Variants in PTPRN2 observed in about 807,000 individuals in gnomAD.
The protein encoded by PTPRN2 is protein tyrosine phosphatase receptor type N2.
In PTPRN2, 74 loss-of-function variants were observed where a neutral mutation model predicts 118.8. The observed-to-expected ratio is 0.62, with a 90% CI of 0.52 to 0.76. The LOEUF is 0.76. PTPRN2 is among the 30% of genes least tolerant of loss of function. PTPRN2 has a pLI of 0.00. For synonymous variants in PTPRN2, 641 were observed against 608.0 expected (o/e 1.05, Z -0.80); for missense variants, 1,481 against 1,394.4 (o/e 1.06, Z -0.99).
intron 11 of PTPRN2, among the ~76,000 whole-genome samples, chr7:158,068,738 C>T (rs1300712645): frequency 6.6e-6 from 1 of 152,206 alleles, no homozygotes; most frequent in Non-Finnish European, 1.5e-5. Context: ...CGGTCAAGGG[C>T]TGTGAAGCTG....
At chr7:157,672,912 G>A (rs1397057841) in intron 13 of PTPRN2, among the ~76,000 whole-genome samples, 6 of 152,142 alleles carry the variant, frequency 3.9e-5, no homozygotes, top group African/African-American at 7.2e-5. Flanking sequence ...ACCTGGAGGC[G>A]CACACTAGCA....
intron 3 of PTPRN2, among the ~76,000 whole-genome samples, chr7:158,241,008 G>A (rs1007379684): frequency 4.6e-5 from 7 of 152,164 alleles, no homozygotes; most frequent in African/African-American, 7.2e-5. Flanking sequence ...AGGCAGCCCC[G>A]TGGGCAGGTG....
At chr7:158,355,518 TG>T (rs2054393512) in intron 2 of PTPRN2, among the ~76,000 whole-genome samples, 1 of 152,206 alleles carries the variant, frequency 6.6e-6, no homozygotes, top group Non-Finnish European at 1.5e-5. Flanking sequence ...GAAATGCAAC[TG>T]CAGTGCAGCC....
chr7:158,425,370 G>A (rs112575637), intron 2 of PTPRN2, among the ~76,000 whole-genome samples: 3 of 98,462 alleles, frequency 3.0e-5, no homozygotes, highest in African/African-American at 9.6e-5. Context: ...CGCGGTGTCC[G>A]AGTCCAGCCT....
chr7:158,347,593 T>C (rs910508197), intron 2 of PTPRN2, among the ~76,000 whole-genome samples: 4 of 152,242 alleles, frequency 2.6e-5, no homozygotes, highest in African/African-American at 7.2e-5. Context: ...CAGGGTTTTA[T>C]GTGGTTCCAT....
intron 11 of PTPRN2, among the ~76,000 whole-genome samples, chr7:157,947,213 T>C (rs1232375814): frequency 9.5e-6 from 1 of 105,466 alleles, no homozygotes; most frequent in African/African-American, 4.5e-5. Context: ...GGTCGAGTAG[T>C]GACATGGAAA....
At chr7:157,797,477 G>T (rs532954915) in intron 12 of PTPRN2, among the ~76,000 whole-genome samples, 1 of 138,208 alleles carries the variant, frequency 7.2e-6, no homozygotes, top group Non-Finnish European at 1.5e-5. Flanking sequence ...GGCTGAGGTC[G>T]TGGGAGGCAT....
rs139544169 is a variant in PTPRN2 at position 158,397,386 on chromosome 7, G to A, written c.164-80454C>T. ...CAGCCCTCCCAGCGGCAGGACCCCC[G>A]AGCAGTTGTGAACCAGCCTCAGGGT... On this transcript the variant is annotated intron_variant, in intron 2 of 22. Transcript: ENST00000389418. Among the ~76,000 whole-genome samples, 71 of 152,280 alleles carry A rather than the reference G, an allele frequency of 4.7e-4. 1 individual carries two copies. Among genetic ancestry groups the A allele is most frequent in the South Asian group, 8.3e-4 (4 of 4,816 alleles).
chr7:158,428,673 C>T (rs975288457), intron 2 of PTPRN2, among the ~76,000 whole-genome samples: 2 of 152,144 alleles, frequency 1.3e-5, no homozygotes, highest in East Asian at 1.9e-4. Flanking sequence ...TTCACACAGT[C>T]GGGTCGTTTT....
At chr7:158,248,773 C>T (rs535248893) in intron 3 of PTPRN2, among the ~76,000 whole-genome samples, 1 of 139,978 alleles carries the variant, frequency 7.1e-6, no homozygotes, top group East Asian at 2.2e-4. Context: ...ATGTGCACAT[C>T]GCACACATCA....
intron 4 of PTPRN2, among the ~76,000 whole-genome samples, chr7:158,200,923 A>AT (rs575867124): frequency 1.5e-3 from 232 of 152,334 alleles, no homozygotes; most frequent in African/African-American, 5.0e-3. Flanking sequence ...TGATTTCATT[A>AT]TTTTTTTAAA....
chr7:157,578,076 C>G lies in PTPRN2; in HGVS notation c.2561G>C (p.Arg854Pro). ...ATCCGGCCAGTAGTGGTAGCACTGC[C>G]GGACGCCGTTCTCCGCGAGGGGTGT... The part of the protein sequence containing the change: ...MLTPLAENGV[R>P]QCYHYWPDEG... The change falls in exon 18 of 23, where the codon CGG becomes CCG. Residue 854 changes from arginine to proline, a missense_variant. Physicochemically the swap from Arg to Pro is moderately radical, Grantham distance 103. Transcript: ENST00000389418. The G allele has an allele frequency of 6.2e-7, 1 of 1,613,606 alleles. No individual in the cohort carries two copies. The highest frequency in any genetic ancestry group is 8.5e-7 in the Non-Finnish European group (1 of 1,179,748).
intron 11 of PTPRN2, among the ~76,000 whole-genome samples, chr7:157,955,992 C>T (rs1217694003): frequency 3.3e-5 from 5 of 152,204 alleles, no homozygotes; most frequent in African/African-American, 1.2e-4. Context: ...CTGACAGGTG[C>T]GTTTTCTCAT....
At chr7:158,342,295 C>A (rs530067511) in intron 2 of PTPRN2, among the ~76,000 whole-genome samples, 1 of 129,062 alleles carries the variant, frequency 7.7e-6, no homozygotes, top group Non-Finnish European at 1.6e-5. Context: ...AGAGCTGACA[C>A]CCGCAGACGT....
At chr7:157,976,289 G>A (rs1008526917) in intron 11 of PTPRN2, among the ~76,000 whole-genome samples, 2 of 152,336 alleles carry the variant, frequency 1.3e-5, no homozygotes, top group East Asian at 1.9e-4. Context: ...GCTCAGCCTG[G>A]CAGCCGAGTT....
At chr7:157,793,241 G>C (rs987339307) in intron 12 of PTPRN2, among the ~76,000 whole-genome samples, 1 of 152,172 alleles carries the variant, frequency 6.6e-6, no homozygotes, top group Non-Finnish European at 1.5e-5. Flanking sequence ...CTGCTGAAAA[G>C]AATGTGGCAG....
chr7:158,271,185 T>C lies in PTPRN2; in HGVS notation c.277+45634A>G, dbSNP rs528404918. On this transcript the variant is annotated intron_variant, in intron 3 of 22. Transcript: ENST00000389418. ...GGAAACAAAATTCGACTCTAGTGGGTGGCCAGGAGAGGTCACGTGCTGCTT... is the reference window on the plus strand; with the variant it reads ...GGAAACAAAATTCGACTCTAGTGGGCGGCCAGGAGAGGTCACGTGCTGCTT... 2.0e-5 allele frequency among the ~76,000 whole-genome samples: 3 copies of C among 150,996 alleles called. No homozygotes were observed. In the South Asian group the frequency reaches 6.3e-4, roughly 32 times the overall value.
intron 22 of PTPRN2, among the ~76,000 whole-genome samples, 177 bp downstream of exon 22, chr7:157,548,769 T>C (rs1295851489): frequency 6.6e-6 from 1 of 152,072 alleles, no homozygotes; most frequent in Admixed American, 6.5e-5. Flanking sequence ...CAGTGGACCT[T>C]TGGGGGCCCA....
Position 157,656,454 on chromosome 7 carries a change from C to A in PTPRN2, c.2099G>T (p.Gly700Val), listed in dbSNP as rs1380241767. 6.4e-7 allele frequency: 1 copy of A among 1,554,168 alleles called. No individual in the cohort carries two copies. The highest frequency in any genetic ancestry group is 8.7e-7 in the Non-Finnish European group (1 of 1,150,430). ...ISSVSSQFSD[G>V]PIPSPSARSS... ...GCGTGCGGAGGGGCTGGGGATCGGCCCGTCGCTGAACTGGGATGAGACGCT... is the reference window on the plus strand; with the variant it reads ...GCGTGCGGAGGGGCTGGGGATCGGCACGTCGCTGAACTGGGATGAGACGCT... The change falls in exon 14 of 23, where the codon GGG becomes GTG. Residue 700 changes from glycine (G) to valine (V), a missense_variant. Gly to Val is a moderately radical substitution (Grantham distance 109). This residue lies in a region of PTPRN2 where 1,115 missense variants were observed against 994.2 expected (regional missense o/e 1.12). Coordinates refer to ENST00000389418, the MANE Select transcript of PTPRN2 (RefSeq NM_002847.5).
Sources: allele counts gnomAD v4.1 joint callset (sites outside exome capture counted in the v4.1 genomes callset), GRCh38; gene constraint gnomAD v4.1.1; regional missense constraint gnomAD v4.1.1; transcripts MANE v1.5; gene names NCBI Gene and HGNC (gene_info 2026-07-23, HGNC 2026-07-21).